DSCAML1: variants seen among roughly 807,000 people sequenced by gnomAD.
DSCAML1 encodes the protein cell adhesion molecule DSCAML1.
A neutral mutation model predicts 200.5 loss-of-function variants in DSCAML1; 38 were observed. The ratio of observed to expected loss-of-function variants is 0.19; its 90% confidence interval spans 0.15 to 0.25. The LOEUF is 0.25. Ranked by LOEUF, DSCAML1 falls within the 10% of genes least tolerant of loss-of-function variation. DSCAML1 has a pLI of 1.00. For synonymous variants in DSCAML1, 1,215 were observed against 1,165.0 expected, an observed-to-expected ratio of 1.04 and a Z score of -0.87; for missense variants, 2,223 against 2,858.8, an observed-to-expected ratio of 0.78 and a Z score of 5.07.
intron 3 of DSCAML1, among the ~76,000 whole-genome samples, chr11:117,616,280 C>G (rs767296459): frequency 6.6e-6 from 1 of 152,138 alleles, no homozygotes; most frequent in Non-Finnish European, 1.5e-5. Context: ...AGAGTCAGAG[C>G]TGGAGAAAAT....
At chr11:117,531,395 C>T (rs1338216503) in intron 4 of DSCAML1, among the ~76,000 whole-genome samples, 3 of 152,126 alleles carry the variant, frequency 2.0e-5, no homozygotes, top group Non-Finnish European at 4.4e-5. Context: ...CTGACAGAAA[C>T]AAATGAGGGA....
At chr11:117,754,375 T>C (rs1278275662) in intron 3 of DSCAML1, among the ~76,000 whole-genome samples, 22 of 152,196 alleles carry the variant, frequency 1.4e-4, no homozygotes, top group Admixed American at 1.2e-3. Flanking sequence ...TCCACACCTT[T>C]ATGTCGAAAG....
chr11:117,588,918 C>T (rs887284221), intron 3 of DSCAML1, among the ~76,000 whole-genome samples: 2 of 152,134 alleles, frequency 1.3e-5, no homozygotes, highest in African/African-American at 2.4e-5. Flanking sequence ...TCTGATTCAG[C>T]GCCTGAGACC....
chr11:117,513,001 G>A (rs55975161), intron 8 of DSCAML1, among the ~76,000 whole-genome samples: 32,137 of 152,066 alleles, frequency 0.21, 3,633 homozygotes, highest in East Asian at 0.3. Context: ...TCTGAGGCCC[G>A]CTGCACCCGT....
At chr11:117,564,735 C>CT (rs1349125162) in intron 3 of DSCAML1, among the ~76,000 whole-genome samples, 1 of 132,340 alleles carries the variant, frequency 7.6e-6, no homozygotes, top group East Asian at 2.1e-4. Flanking sequence ...TCCTTCTTTC[C>CT]TTCTCTTTCT....
intron 3 of DSCAML1, among the ~76,000 whole-genome samples, chr11:117,651,786 ACTTTCTTGACAT>A (rs2052638831): frequency 6.6e-6 from 1 of 151,320 alleles, no homozygotes; most frequent in Non-Finnish European, 1.5e-5. Flanking sequence ...GTTTCAAAGT[ACTTTCTTGACAT>A]TATCTGGTTT....
chr11:117,707,823 G>T, intron 3 of DSCAML1, among the ~76,000 whole-genome samples: 1 of 152,132 alleles, frequency 6.6e-6, no homozygotes, highest in East Asian at 1.9e-4. Context: ...GCGAGCCACC[G>T]TGCCTGGCCC....
At chr11:117,614,449 G>A (rs530073831) in intron 3 of DSCAML1, among the ~76,000 whole-genome samples, 1 of 152,262 alleles carries the variant, frequency 6.6e-6, no homozygotes, top group Non-Finnish European at 1.5e-5. Context: ...GCTCCCAGGT[G>A]GTGATTCTAA....
At chr11:117,693,202 G>C (rs758984365) in intron 3 of DSCAML1, among the ~76,000 whole-genome samples, 1 of 152,136 alleles carries the variant, frequency 6.6e-6, no homozygotes, top group African/African-American at 2.4e-5. Context: ...AACTCTAACC[G>C]TTACTATCTG....
chr11:117,807,091 G>A (rs1591525564), intron 1 of DSCAML1, among the ~76,000 whole-genome samples: 2 of 152,308 alleles, frequency 1.3e-5, no homozygotes, highest in African/African-American at 2.4e-5. Flanking sequence ...CAAGCCACAC[G>A]CCAGATTTCA....
At chr11:117,566,809 A>G (rs1283189848) in intron 3 of DSCAML1, among the ~76,000 whole-genome samples, 4 of 148,056 alleles carry the variant, frequency 2.7e-5, no homozygotes, top group Non-Finnish European at 5.9e-5. Context: ...ATTCCCACCT[A>G]TGAGTGAGAA....
chr11:117,670,982 G>C (rs1169369063), intron 3 of DSCAML1, among the ~76,000 whole-genome samples: 1 of 152,164 alleles, frequency 6.6e-6, no homozygotes, highest in East Asian at 1.9e-4. Flanking sequence ...TATTCACGTG[G>C]ATAACTGAGA....
chr11:117,549,694 T>G (rs894375004), intron 3 of DSCAML1, among the ~76,000 whole-genome samples: 9 of 152,214 alleles, frequency 5.9e-5, no homozygotes, highest in African/African-American at 2.2e-4. Flanking sequence ...ACTCCGGAGC[T>G]TGGAGTGACT....
intron 3 of DSCAML1, among the ~76,000 whole-genome samples, chr11:117,766,690 A>G (rs1295018465): frequency 6.6e-6 from 1 of 152,210 alleles, no homozygotes; most frequent in Non-Finnish European, 1.5e-5. Flanking sequence ...ATCTGCTGAA[A>G]TTCACCCAGG....
At chr11:117,593,727 T>C (rs1282494828) in intron 3 of DSCAML1, among the ~76,000 whole-genome samples, 1 of 125,662 alleles carries the variant, frequency 8.0e-6, no homozygotes, top group African/African-American at 3.4e-5. Context: ...TTTTTTTTTT[T>C]TTGAGATGGA....
chr11:117,613,199 G>A (rs1435991117), intron 3 of DSCAML1, among the ~76,000 whole-genome samples: 1 of 152,026 alleles, frequency 6.6e-6, no homozygotes, highest in East Asian at 1.9e-4. Flanking sequence ...CGAGCATTCT[G>A]TGACTCCAAA....
intron 3 of DSCAML1, among the ~76,000 whole-genome samples, chr11:117,743,380 T>C (rs1374141590): frequency 6.6e-6 from 1 of 152,124 alleles, no homozygotes; most frequent in Non-Finnish European, 1.5e-5. Flanking sequence ...TAGTCACATA[T>C]CCCAGTTGTG....
intron 1 of DSCAML1, among the ~76,000 whole-genome samples, chr11:117,790,503 C>G (rs371371437): frequency 5.9e-5 from 9 of 152,214 alleles, no homozygotes; most frequent in East Asian, 5.8e-4. Flanking sequence ...GAGACAGCCA[C>G]AAACAGCTGT....
intron 3 of DSCAML1, among the ~76,000 whole-genome samples, chr11:117,650,698 T>TGTGTGC (rs1427168133): frequency 4.7e-5 from 5 of 106,342 alleles, no homozygotes; most frequent in Non-Finnish European, 8.8e-5. Flanking sequence ...TGTGTGTGTG[T>TGTGTGC]GTGCGTGTGT....
Sources: gnomAD v4.1 joint callset for allele counts (sites outside exome capture counted in the v4.1 genomes callset) on GRCh38, gnomAD v4.1.1 for gene constraint, MANE v1.5 for transcripts, NCBI Gene and HGNC (gene_info 2026-07-23, HGNC 2026-07-21) for gene names.